BABAM2: variants seen among roughly 807,000 people sequenced by gnomAD.
BABAM2 encodes the protein BRISC and BRCA1 A complex member 2.
A neutral mutation model predicts 54.7 loss-of-function variants in BABAM2; 31 were observed. The ratio of observed to expected loss-of-function variants is 0.57; its 90% CI spans 0.43 to 0.77. BABAM2 has a LOEUF of 0.77. Among genes scored for constraint, BABAM2 ranks in the 30% least tolerant of loss-of-function variants. BABAM2 has a pLI of 0.00. For missense variants in BABAM2, 364 were observed against 455.8 expected (o/e 0.80, Z 1.83); for synonymous variants, 167 against 162.9 (o/e 1.03, Z -0.19).
At chr2:27,979,758 TG>T (rs1401565132) in intron 3 of BABAM2, among the ~76,000 whole-genome samples, 1 of 152,230 alleles carries the variant, frequency 6.6e-6, no homozygotes, top group African/African-American at 2.4e-5. Flanking sequence ...TTAGAAACTA[TG>T]TTTTCCTGGC....
chr2:28,147,477 CT>C (rs777132243), intron 7 of BABAM2, among the ~76,000 whole-genome samples: 300 of 142,612 alleles, frequency 2.1e-3, no homozygotes, highest in Middle Eastern at 3.6e-3. Context: ...TTAGGAAAAT[CT>C]TTTTTTTTTT....
intron 10 of BABAM2, among the ~76,000 whole-genome samples, chr2:28,279,660 C>CTTTTTTTTTT (rs59747836): frequency 2.0e-5 from 2 of 100,300 alleles, no homozygotes; most frequent in African/African-American, 8.7e-5. Flanking sequence ...AGCTCAAAGG[C>CTTTTTTTTTT]TTTTTTTTTT....
intron 11 of BABAM2, among the ~76,000 whole-genome samples, chr2:28,321,287 A>G (rs1301122931): frequency 3.3e-5 from 5 of 152,200 alleles, no homozygotes; most frequent in African/African-American, 9.7e-5. Flanking sequence ...CTAGTAAGTA[A>G]TAGATCCACA....
chr2:28,282,822 A>G (rs891816014), intron 10 of BABAM2, among the ~76,000 whole-genome samples: 1 of 151,488 alleles, frequency 6.6e-6, no homozygotes, highest in Non-Finnish European at 1.5e-5. Context: ...ACATGGTGAA[A>G]CCCCATCTCT....
rs112924617 is a variant in BABAM2, at chr2:28,198,164, CT to C, written c.681-39025del. Among the ~76,000 whole-genome samples, 859 of 144,334 alleles carry C rather than the reference CT, an allele frequency of 6.0e-3. 4 individuals carry two copies. The highest frequency in any genetic ancestry group is 0.015 in the African/African-American group (589 of 39,582). The allele number at this position is 144,334 out of a possible 152,430, so 94.7% of individuals were successfully genotyped here. On this transcript the variant is annotated intron_variant, in intron 7 of 11. Transcript: ENST00000379624. ...CTGAAAATTCACTACCACAGGACAG[CT>C]TTTTTTTTTTTTGAGACTGAGTCTC...
At chr2:28,025,195 ACTGGTCTT>A in intron 4 of BABAM2, 23 bp from the exon 5 acceptor site, 1 of 1,540,334 alleles carries the variant, frequency 6.5e-7, no homozygotes, top group South Asian at 1.3e-5. Flanking sequence ...TTCAGTTTTA[ACTGGTCTT>A]TTATTTGTTA....
intron 7 of BABAM2, among the ~76,000 whole-genome samples, chr2:28,189,038 T>C (rs977747623): frequency 5.3e-5 from 8 of 152,010 alleles, no homozygotes; most frequent in Non-Finnish European, 5.9e-5. Flanking sequence ...CCGTCTCCAC[T>C]AAAAATACAA....
intron 6 of BABAM2, among the ~76,000 whole-genome samples, chr2:28,077,307 T>G (rs1664774334): frequency 1.3e-5 from 2 of 152,228 alleles, no homozygotes; most frequent in African/African-American, 4.8e-5. Context: ...ATAAGACTAT[T>G]GTGTTTCGTT....
chr2:28,262,675 G>T (rs1684633395), intron 10 of BABAM2, among the ~76,000 whole-genome samples: 1 of 152,124 alleles, frequency 6.6e-6, no homozygotes, highest in Non-Finnish European at 1.5e-5. Context: ...CTCCGTTAGG[G>T]ATATAATGAG....
chr2:28,081,991 G>A (rs980253064), intron 6 of BABAM2, among the ~76,000 whole-genome samples: 2 of 152,164 alleles, frequency 1.3e-5, no homozygotes, highest in East Asian at 3.8e-4. Flanking sequence ...TAAATTATTA[G>A]TAATGAAGTG....
intron 7 of BABAM2, among the ~76,000 whole-genome samples, chr2:28,129,871 C>T (rs1450490832): frequency 1.3e-5 from 2 of 152,188 alleles, no homozygotes; most frequent in East Asian, 3.8e-4. Flanking sequence ...TTTGCTGCAT[C>T]GAAATAGCTG....
chr2:28,163,087 T>G (rs950802998), intron 7 of BABAM2, among the ~76,000 whole-genome samples: 1 of 152,218 alleles, frequency 6.6e-6, no homozygotes, highest in Admixed American at 6.5e-5. Flanking sequence ...TAGGCATATC[T>G]GTGTGTAGAC....
At chr2:28,235,555 T>G (rs1681824451) in intron 7 of BABAM2, among the ~76,000 whole-genome samples, 1 of 152,218 alleles carries the variant, frequency 6.6e-6, no homozygotes, top group Non-Finnish European at 1.5e-5. Flanking sequence ...TGGAGTCCTT[T>G]TAGTAGTGTT....
intron 2 of BABAM2, among the ~76,000 whole-genome samples, chr2:27,928,614 A>G (rs1464354103): frequency 3.3e-5 from 5 of 152,172 alleles, no homozygotes; most frequent in South Asian, 4.1e-4. Context: ...TATTTCAACT[A>G]TGCATCCATC....
At chr2:28,039,686 C>G (rs1459221936) in intron 5 of BABAM2, among the ~76,000 whole-genome samples, 2 of 152,318 alleles carry the variant, frequency 1.3e-5, no homozygotes, top group East Asian at 3.9e-4. Flanking sequence ...CACAAAATGT[C>G]TACCTGTCAC....
intron 10 of BABAM2, among the ~76,000 whole-genome samples, chr2:28,277,213 C>T (rs1238248382): frequency 6.6e-6 from 1 of 152,196 alleles, no homozygotes; most frequent in African/African-American, 2.4e-5. Flanking sequence ...TCAAGCGATT[C>T]TCCTGCCTCA....
At chr2:28,071,479 A>G (rs533553654) in intron 6 of BABAM2, among the ~76,000 whole-genome samples, 31 of 152,242 alleles carry the variant, frequency 2.0e-4, no homozygotes, top group Admixed American at 1.6e-3. Flanking sequence ...ATTGGTGGTG[A>G]TGTGTTCTTT....
At chr2:27,970,359 G>A (rs1671118313) in intron 3 of BABAM2, among the ~76,000 whole-genome samples, 1 of 152,006 alleles carries the variant, frequency 6.6e-6, no homozygotes, top group South Asian at 2.1e-4. Context: ...TTTAAAAATT[G>A]GAACAAATTG....
At chr2:28,266,135 C>T (rs1274210934) in intron 10 of BABAM2, among the ~76,000 whole-genome samples, 3 of 152,276 alleles carry the variant, frequency 2.0e-5, no homozygotes, top group South Asian at 4.1e-4. Context: ...CAGGCACACA[C>T]CACCACGCTC....
Sources: gnomAD v4.1 joint callset for allele counts (sites outside exome capture counted in the v4.1 genomes callset) on GRCh38, gnomAD v4.1.1 for gene constraint, MANE v1.5 for transcripts, NCBI Gene and HGNC (gene_info 2026-07-23, HGNC 2026-07-21) for gene names.